DNAH11: variants seen among roughly 807,000 people sequenced by gnomAD.
The protein encoded by DNAH11 is dynein axonemal heavy chain 11.
In DNAH11, 442 loss-of-function variants were observed where a neutral mutation model predicts 526.0. That is an observed-to-expected ratio of 0.84 (90% confidence interval 0.78 to 0.91). The LOEUF (loss-of-function observed/expected upper bound fraction) is 0.91. DNAH11 is among the 40% of genes least tolerant of loss of function. The pLI, the probability that DNAH11 is intolerant of heterozygous loss-of-function variation, is 0.00. For synonymous variants in DNAH11, 2,461 were observed against 1,935.9 expected (o/e 1.27, Z -7.12); for missense variants, 6,989 against 5,448.7 (o/e 1.28, Z -8.90).
At chr7:21,744,749 A>G in intron 50 of DNAH11, 121 bp from the exon 51 acceptor site, 2 of 1,434,140 alleles carry the variant, frequency 1.4e-6, no homozygotes, top group Non-Finnish European at 1.9e-6. Context: ...ATGCTTGGGA[A>G]CATTCCACCC....
At chr7:21,790,882 A>G (rs1004752079) in intron 61 of DNAH11, among the ~76,000 whole-genome samples, 1 of 152,250 alleles carries the variant, frequency 6.6e-6, no homozygotes, top group Admixed American at 6.5e-5. Flanking sequence ...CAGAATTTAA[A>G]TTTTATCCGA....
intron 67 of DNAH11, 129 bp downstream of exon 67, chr7:21,852,760 A>G: frequency 1.0e-6 from 1 of 960,264 alleles, no homozygotes; most frequent in South Asian, 2.7e-5. Context: ...GTGATTTAAT[A>G]AGCTGCAGTT....
At chr7:21,880,597 A>T in intron 74 of DNAH11, 105 bp from the exon 75 acceptor site, 1 of 1,164,886 alleles carries the variant, frequency 8.6e-7, no homozygotes, top group Non-Finnish European at 1.2e-6. Flanking sequence ...CTGCCTCTGT[A>T]GTATCTCACT....
chr7:21,674,851 A>G (rs1305572764), intron 30 of DNAH11, among the ~76,000 whole-genome samples: 2 of 151,660 alleles, frequency 1.3e-5, no homozygotes, highest in Non-Finnish European at 2.9e-5. Context: ...AACGTGCCCA[A>G]CTGCAGAAAA....
chr7:21,887,556 C>T (rs776446386), intron 76 of DNAH11, among the ~76,000 whole-genome samples: 6 of 152,082 alleles, frequency 3.9e-5, no homozygotes, highest in Non-Finnish European at 8.8e-5. Context: ...CCTCTCTTAG[C>T]CTTGGTTTCA....
At chr7:21,630,771 G>T (rs556600495) in intron 25 of DNAH11, among the ~76,000 whole-genome samples, 1 of 152,222 alleles carries the variant, frequency 6.6e-6, no homozygotes, top group East Asian at 1.9e-4. Context: ...TGACCTTTGA[G>T]AATTTGATTA....
chr7:21,651,879 C>T (rs1405566569), intron 28 of DNAH11, among the ~76,000 whole-genome samples: 1 of 152,262 alleles, frequency 6.6e-6, no homozygotes, highest in Non-Finnish European at 1.5e-5. Context: ...TCATCAGTGA[C>T]AGTCATGTCA....
chr7:21,697,809 C>G (rs374145919), intron 35 of DNAH11, among the ~76,000 whole-genome samples: 1 of 152,192 alleles, frequency 6.6e-6, no homozygotes, highest in East Asian at 1.9e-4. Context: ...TTACACCAGA[C>G]GTTTACAGAA....
intron 20 of DNAH11, among the ~76,000 whole-genome samples, chr7:21,609,389 T>C (rs1562697942): frequency 6.6e-6 from 1 of 152,042 alleles, no homozygotes. Flanking sequence ...CTGGCTAATT[T>C]TTGTATTTTT....
intron 56 of DNAH11, among the ~76,000 whole-genome samples, 179 bp downstream of exon 56, chr7:21,774,178 C>T (rs533787366): frequency 6.6e-6 from 1 of 152,300 alleles, no homozygotes; most frequent in East Asian, 1.9e-4. Context: ...GATTGGCCGA[C>T]TCACAGCTGG....
chr7:21,895,411 T>C (rs920910114), intron 79 of DNAH11, among the ~76,000 whole-genome samples: 1 of 152,204 alleles, frequency 6.6e-6, no homozygotes, highest in Admixed American at 6.5e-5. Flanking sequence ...TGCCTTCTCA[T>C]AGACAACCTT....
intron 5 of DNAH11, among the ~76,000 whole-genome samples, chr7:21,562,994 G>A (rs1783527269): frequency 6.6e-6 from 1 of 152,012 alleles, no homozygotes; most frequent in Non-Finnish European, 1.5e-5. Context: ...ACTTGACTTT[G>A]TTCCCTACTT....
chr7:21,859,382 G>A (rs1782971443), intron 68 of DNAH11, among the ~76,000 whole-genome samples: 1 of 152,138 alleles, frequency 6.6e-6, no homozygotes, highest in Admixed American at 6.5e-5. Flanking sequence ...CCAAAGTGCT[G>A]GGATTACAGG....
chr7:21,889,837 T>A (rs975557292), intron 76 of DNAH11, among the ~76,000 whole-genome samples: 1 of 152,160 alleles, frequency 6.6e-6, no homozygotes, highest in African/African-American at 2.4e-5. Flanking sequence ...AAAAGCATCT[T>A]TTCATAAAAA....
chr7:21,572,007 G>T (rs1783912097), intron 8 of DNAH11, 34 bp downstream of exon 8: 1 of 1,453,796 alleles, frequency 6.9e-7, no homozygotes, highest in South Asian at 1.7e-5. Context: ...CATTGCATGG[G>T]ATCCTATAAT....
intron 58 of DNAH11, among the ~76,000 whole-genome samples, chr7:21,785,322 G>T (rs1305079625): frequency 6.6e-6 from 1 of 152,080 alleles, no homozygotes; most frequent in Non-Finnish European, 1.5e-5. Context: ...TACTTACATG[G>T]GTATTTCTTA....
At chr7:21,868,202 G>A (rs780146746) in intron 72 of DNAH11, among the ~76,000 whole-genome samples, 195 bp downstream of exon 72, 1 of 151,004 alleles carries the variant, frequency 6.6e-6, no homozygotes, top group Non-Finnish European at 1.5e-5. Context: ...GAACATTCAT[G>A]TGGCTGGCAT....
chr7:21,677,076 T>C (rs1562485105), intron 30 of DNAH11, among the ~76,000 whole-genome samples: 1 of 152,194 alleles, frequency 6.6e-6, no homozygotes. Flanking sequence ...GTGAACATAT[T>C]AGACATAAAA....
At position 21,801,985 on chromosome 7, in the gene DNAH11, C is replaced by A. The variant is rs891780872; in HGVS notation, c.10165+710C>A. ...GTATTCACAGATTTTATTTGCTCCACAACGTGGCATTTAACAGTTCTGGGG... is the reference window on the plus strand; with the variant it reads ...GTATTCACAGATTTTATTTGCTCCAAAACGTGGCATTTAACAGTTCTGGGG... On this transcript the variant is annotated intron_variant, in intron 62 of 81. Transcript: ENST00000409508. Among the ~76,000 whole-genome samples the A allele has an allele frequency of 5.9e-5, 9 of 152,296 alleles. No individual in the cohort carries two copies. In the East Asian group the frequency reaches 1.7e-3, roughly 29 times the overall value.
Sources: gnomAD v4.1 joint callset for allele counts (sites outside exome capture counted in the v4.1 genomes callset) on GRCh38, gnomAD v4.1.1 for gene constraint, MANE v1.5 for transcripts, NCBI Gene and HGNC (gene_info 2026-07-23, HGNC 2026-07-21) for gene names.